Variants in AQR observed in about 807,000 individuals in gnomAD.
AQR encodes aquarius intron-binding spliceosomal factor.
AQR carries 61 observed loss-of-function variants against 180.5 expected under a neutral mutation model. That is an observed-to-expected ratio of 0.34 (90% confidence interval 0.28 to 0.42). AQR has a LOEUF of 0.42. Ranked by LOEUF, AQR falls within the 10% of genes least tolerant of loss-of-function variation. The probability of loss-of-function intolerance (pLI) is 1.00; values close to 1 mark genes in which losing one functional copy is unlikely to be tolerated. For missense variants in AQR, 1,281 were observed against 1,798.3 expected (o/e 0.71, Z 5.20); for synonymous variants, 551 against 588.8 (o/e 0.94, Z 0.93).
chr15:34,934,406 T>C (rs1362101559), intron 10 of AQR, among the ~76,000 whole-genome samples, 165 bp downstream of exon 10: 2 of 149,032 alleles, frequency 1.3e-5, no homozygotes, highest in African/African-American at 4.9e-5. Context: ...AGGAAATATA[T>C]ACCTTTCCTT....
intron 13 of AQR, among the ~76,000 whole-genome samples, chr15:34,923,202 G>A (rs1217809759): frequency 6.6e-6 from 1 of 151,870 alleles, no homozygotes; most frequent in Non-Finnish European, 1.5e-5. Context: ...TTTATCATAG[G>A]TTTTTACATT....
intron 1 of AQR, among the ~76,000 whole-genome samples, chr15:34,966,742 A>G (rs1167734009): frequency 2.0e-5 from 3 of 152,198 alleles, no homozygotes; most frequent in Non-Finnish European, 4.4e-5. Flanking sequence ...ATGTAGTGTG[A>G]GAAAGGAAGG....
chr15:34,880,603 G>C (rs971558159), intron 27 of AQR, among the ~76,000 whole-genome samples: 1 of 152,140 alleles, frequency 6.6e-6, no homozygotes, highest in Non-Finnish European at 1.5e-5. Context: ...ACTAATCATG[G>C]TATATTCCCC....
In AQR at chr15:34,853,243, T is replaced by G. The variant is rs1156661326; in HGVS notation, c.*3549A>C. 1 of 102,680 alleles carries G rather than the reference T, an allele frequency of 9.7e-6. No individual in the cohort carries two copies. The highest frequency in any genetic ancestry group is 1.8e-5 in the Non-Finnish European group (1 of 54,490). 6.4% of individuals were successfully genotyped at this position (102,680 alleles called of 1,614,324 possible). ...TCTGGCTTATGCAAAAGGGTCACTG[T>G]TTTTTTTTTTTTTTTAACTTTATCT... is the stretch of plus-strand genomic sequence containing the variant. On this transcript the variant is annotated 3_prime_UTR_variant, in exon 35 of 35. Transcript: ENST00000156471.
intron 26 of AQR, among the ~76,000 whole-genome samples, chr15:34,883,701 C>CG (rs1169688092): frequency 5.9e-5 from 9 of 152,304 alleles, no homozygotes; most frequent in African/African-American, 2.2e-4. Context: ...ACTGAGGAGT[C>CG]TGAGCCTGAA....
intron 1 of AQR, among the ~76,000 whole-genome samples, chr15:34,965,548 A>G (rs1192919203): frequency 1.3e-5 from 2 of 152,098 alleles, no homozygotes; most frequent in East Asian, 1.9e-4. Flanking sequence ...GTGTGCACCT[A>G]TAATTCCAGC....
At chr15:34,886,210 A>G (rs914261054) in intron 25 of AQR, among the ~76,000 whole-genome samples, 2 of 152,172 alleles carry the variant, frequency 1.3e-5, no homozygotes, top group African/African-American at 2.4e-5. Context: ...GCTAGCTAGA[A>G]TATTTATTTA....
rs1894254530 is a variant in AQR at position 34,952,899 on chromosome 15, C to T, written c.195G>A (p.Met65Ile). 2.1e-6 allele frequency: 3 copies of T among 1,459,468 alleles called. No individual in the cohort carries two copies. Among genetic ancestry groups the T allele is most frequent in the African/African-American group, 1.4e-5 (1 of 70,432 alleles). The allele number at this position is 1,459,468 out of a possible 1,614,324, so 90.4% of individuals were successfully genotyped here. A position where few individuals can be genotyped will look rare whatever the true frequency, so the allele number is the denominator to read the frequency against. ...TTATAACTTACCTAAATTCCAAGAG[C>T]ATTATCTTTCTAATAGCAAACCTGA... ...VKSRFAIRKI[M>I]LLEFSQYLEN... is the part of the protein sequence containing the mutation. The change falls in exon 4 of 35, where the codon ATG (methionine) becomes ATA (isoleucine). Residue 65 changes from methionine (M) to isoleucine (I), a missense_variant. By Grantham distance (10) the Met-to-Ile change is conservative (BLOSUM62 1). Around this residue, in one of 9 missense-constraint regions of AQR, gnomAD observed 404 missense variants for 490.9 expected, o/e 0.82. Transcript: ENST00000156471.
At chr15:34,887,610 T>C (rs1893082847) in intron 24 of AQR, among the ~76,000 whole-genome samples, 1 of 152,202 alleles carries the variant, frequency 6.6e-6, no homozygotes. Flanking sequence ...CCAAATTCTA[T>C]GCACATTCTT....
At chr15:34,949,317 A>T (rs1894179984) in intron 4 of AQR, among the ~76,000 whole-genome samples, 1 of 79,846 alleles carries the variant, frequency 1.3e-5, no homozygotes, top group South Asian at 5.8e-4. Context: ...GGCTCTTCTT[A>T]AAGTAAAAGT....
intron 15 of AQR, among the ~76,000 whole-genome samples, chr15:34,915,402 G>A (rs1029559801): frequency 1.7e-4 from 26 of 151,500 alleles, no homozygotes; most frequent in Non-Finnish European, 3.2e-4. Context: ...ATGTTGGCCA[G>A]GCTGGTCTCG....
At chr15:34,899,071 G>A (rs939960511) in intron 20 of AQR, among the ~76,000 whole-genome samples, 9 of 151,916 alleles carry the variant, frequency 5.9e-5, no homozygotes, top group African/African-American at 2.2e-4. Flanking sequence ...TCCGGAGGCT[G>A]AGGCAGGAGA....
intron 17 of AQR, among the ~76,000 whole-genome samples, chr15:34,909,330 G>T (rs74008003): frequency 0.042 from 6,380 of 152,254 alleles, 482 homozygotes; most frequent in African/African-American, 0.15. Context: ...TTAGAAATCA[G>T]TTCATATGTC....
At chr15:34,893,342 C>T (rs1435045469) in intron 23 of AQR, among the ~76,000 whole-genome samples, 5 of 152,064 alleles carry the variant, frequency 3.3e-5, no homozygotes, top group Non-Finnish European at 7.4e-5. Flanking sequence ...AATATGGTCA[C>T]TGCGTGATGG....
chr15:34,966,369 A>G (rs2050309739), intron 1 of AQR, among the ~76,000 whole-genome samples: 1 of 152,206 alleles, frequency 6.6e-6, no homozygotes, highest in African/African-American at 2.4e-5. Flanking sequence ...TGTCCCCTCT[A>G]CCTAGAAAAC....
intron 27 of AQR, among the ~76,000 whole-genome samples, chr15:34,878,819 G>C (rs1405057390): frequency 1.3e-5 from 2 of 152,136 alleles, no homozygotes; most frequent in African/African-American, 4.8e-5. Context: ...CTTGAGGTCA[G>C]GAGTTTAAGA....
intron 7 of AQR, 64 bp downstream of exon 7, chr15:34,941,948 G>A (rs1688758779): frequency 7.6e-7 from 1 of 1,312,592 alleles, no homozygotes; most frequent in Non-Finnish European, 1.1e-6. Context: ...TAAGGCTATA[G>A]ACTAAAACCA....
chr15:34,886,632 C>T lies in AQR; in HGVS notation c.2711G>A (p.Arg904Gln), dbSNP rs1158075610. The part of the protein sequence containing the change: ...RYGRVNYVLA[R>Q]RIELLEEVKR... ...GACTTCTTCTAAAAGTTCTATTCTT[C>T]GAGCCAGAACATAATTAACTCTTCC... Residue 904 changes from arginine to glutamine, a missense_variant, in exon 25 of 35, where the codon CGA (arginine) becomes CAA (glutamine). Coordinates refer to ENST00000156471, the MANE Select transcript of AQR (RefSeq NM_014691.3). The T allele has an allele frequency of 2.5e-6, 4 of 1,613,504 alleles. No homozygotes were observed. Among genetic ancestry groups the T allele is most frequent in the South Asian group, 2.2e-5 (2 of 90,956 alleles).
chr15:34,889,253 T>C (rs1261674312), intron 24 of AQR, among the ~76,000 whole-genome samples: 1 of 152,254 alleles, frequency 6.6e-6, no homozygotes, highest in Non-Finnish European at 1.5e-5. Flanking sequence ...ACTTATGGCA[T>C]GTTGTTCTTT....
Sources: gnomAD v4.1 joint callset for allele counts (sites outside exome capture counted in the v4.1 genomes callset) on GRCh38, gnomAD v4.1.1 for gene constraint, gnomAD v4.1.1 regional missense constraint, MANE v1.5 for transcripts, NCBI Gene and HGNC (gene_info 2026-07-23, HGNC 2026-07-21) for gene names.